Variants in MAP1S observed in about 807,000 individuals in gnomAD.
MAP1S encodes microtubule-associated protein 1S.
In MAP1S, 27 loss-of-function variants were observed where a neutral mutation model predicts 60.9. The observed-to-expected ratio is 0.44, with a 90% CI of 0.33 to 0.61. MAP1S has a LOEUF of 0.61. Ranked by LOEUF, MAP1S falls within the 20% of genes least tolerant of loss-of-function variation. The pLI is 0.03. For synonymous variants in MAP1S, 826 were observed against 694.2 expected, an observed-to-expected ratio of 1.19 and a Z score of -2.98; for missense variants, 1,608 against 1,486.6, an observed-to-expected ratio of 1.08 and a Z score of -1.34.
chr19:17,726,995 G>C lies in MAP1S; in HGVS notation c.1611G>C (p.Gln537His). The change falls in exon 5 of 7, where the codon CAG (glutamine) becomes CAC (histidine). Residue 537 changes from glutamine to histidine, a missense_variant. Around this residue, in one of 4 missense-constraint regions of MAP1S, gnomAD observed 1,167 missense variants for 961.4 expected, o/e 1.21. Coordinates refer to ENST00000324096, the MANE Select transcript of MAP1S (RefSeq NM_018174.6). ...CCAAACCGAGTGTCTCCCGGACCCA[G>C]CCGCGGGAGGTGCGCCGGGCAGCCT... is the stretch of plus-strand genomic sequence containing the variant. The part of the protein sequence containing the change: ...KDPKPSVSRT[Q>H]PREVRRAASS... The C allele has an allele frequency of 6.3e-7, 1 of 1,578,568 alleles. No homozygotes were observed. The highest frequency in any genetic ancestry group is 1.2e-5 in the South Asian group (1 of 86,520).
chr19:17,724,004 C>T (rs2080394354), intron 2 of MAP1S, 122 bp from the exon 3 acceptor site: 3 of 697,462 alleles, frequency 4.3e-6, no homozygotes, highest in Non-Finnish European at 7.5e-6. Flanking sequence ...TGACCTGCAG[C>T]TCTGCCGTGC....
chr19:17,719,684 G>C (rs1322823241), intron 1 of MAP1S, 64 bp downstream of exon 1: 1 of 906,844 alleles, frequency 1.1e-6, no homozygotes, highest in African/African-American at 2.1e-5. Context: ...TCTGGGCCCG[G>C]GGCCGGCGGG....
chr19:17,721,410 C>T (rs974807638), intron 2 of MAP1S: 2 of 340,344 alleles, frequency 5.9e-6, no homozygotes, highest in Non-Finnish European at 1.1e-5. Context: ...GGCGCGGTGG[C>T]TTACGCCTCT....
Position 17,725,900 on chromosome 19 carries a change from C to G in MAP1S, c.516C>G (p.Phe172Leu), listed in dbSNP as rs147197835. ...TACTCACCATCACCTGCCCCACCTT[C>G]GGTGACTGGGCTCAGCTGGCACCCG... ...PPILTITCPT[F>L]GDWAQLAPAV... Residue 172 changes from phenylalanine to leucine, a missense_variant, in exon 5 of 7, where the codon TTC becomes TTG. Around this residue, in one of 4 missense-constraint regions of MAP1S, gnomAD observed 320 missense variants for 393.1 expected, o/e 0.81. Coordinates refer to ENST00000324096, the MANE Select transcript of MAP1S (RefSeq NM_018174.6). The surrounding 1 kb of genome is among the most constrained non-coding windows in gnomAD (Gnocchi z 4.2). 5 of 1,613,816 alleles carry G rather than the reference C, an allele frequency of 3.1e-6. No homozygotes were observed. The highest frequency in any genetic ancestry group is 3.3e-5 in the Admixed American group (2 of 60,018).
chr19:17,726,570 T>G lies in MAP1S; in HGVS notation c.1186T>G (p.Tyr396Asp). 6.3e-7 allele frequency: 1 copy of G among 1,575,578 alleles called. No homozygotes were observed. Among genetic ancestry groups the G allele is most frequent in the Non-Finnish European group, 8.6e-7 (1 of 1,166,086 alleles). Residue 396 changes from tyrosine (Y) to aspartate (D), a missense_variant, in exon 5 of 7, where the codon TAT becomes GAT. By Grantham distance (160) the Tyr-to-Asp change is radical. Around this residue, in one of 4 missense-constraint regions of MAP1S, gnomAD observed 1,167 missense variants for 961.4 expected, o/e 1.21. Transcript: ENST00000324096. ...GATGGGCGTGGGCCGGCTGGACATG[T>G]ATGTGCTGCACCCGCCCTCCGCCGG... ...EKMGVGRLDM[Y>D]VLHPPSAGAE...
At chr19:17,720,148 A>G in intron 1 of MAP1S, 2 of 1,298,946 alleles carry the variant, frequency 1.5e-6, no homozygotes, top group Non-Finnish European at 2.0e-6. Flanking sequence ...TTTGGCACCT[A>G]GGGAGGTGAG....
chr19:17,730,986 G>A (rs1292623795), intron 5 of MAP1S, among the ~76,000 whole-genome samples: 1 of 151,126 alleles, frequency 6.6e-6, no homozygotes, highest in East Asian at 1.9e-4. Flanking sequence ...CGCCTCCCGG[G>A]TTCAAGCGAT....
Position 17,721,054 on chromosome 19 carries a change from C to T in MAP1S, c.220+17C>T. On this transcript the variant is annotated intron_variant, in intron 2 of 6. Coordinates refer to ENST00000324096, the MANE Select transcript of MAP1S (RefSeq NM_018174.6). The stretch of plus-strand genomic sequence containing the variant: ...TTGTGAAAGGTGAGGCTGGGGTCCC[C>T]CTGACTGCTCCCTACCTCTTGTTAT... 1.3e-6 allele frequency: 2 copies of T among 1,598,178 alleles called. No individual in the cohort carries two copies. Among genetic ancestry groups the T allele is most frequent in the South Asian group, 2.2e-5 (2 of 90,790 alleles).
intron 3 of MAP1S, among the ~76,000 whole-genome samples, chr19:17,724,834 C>T (rs185341176): frequency 6.6e-6 from 1 of 152,256 alleles, no homozygotes; most frequent in East Asian, 1.9e-4. Flanking sequence ...GACATCAGAG[C>T]TGGGCTTTGT....
Position 17,728,141 on chromosome 19 carries a change from A to G in MAP1S, c.2757A>G (p.Ser919=). ...GGRAPLSRKS[S]TPKTATRGPS... ...GGGCACCCCTGTCCAGAAAGTCCTCAACCCCCAAGACTGCCACTCGAGGCC... is the reference window on the plus strand; with the variant it reads ...GGGCACCCCTGTCCAGAAAGTCCTCGACCCCCAAGACTGCCACTCGAGGCC... Residue 919 remains serine (S), a synonymous_variant, in exon 5 of 7, where the codon TCA becomes TCG. Transcript: ENST00000324096. 1 of 1,606,250 alleles carries G rather than the reference A, an allele frequency of 6.2e-7. No individual in the cohort carries two copies. The highest frequency in any genetic ancestry group is 8.5e-7 in the Non-Finnish European group (1 of 1,175,508).
At chr19:17,732,926 C>T (rs928238608) in intron 5 of MAP1S, 7 of 498,684 alleles carry the variant, frequency 1.4e-5, no homozygotes, top group African/African-American at 5.9e-5. Flanking sequence ...GTGACATGCA[C>T]CTGTAGTCCC....
In MAP1S at chr19:17,724,116, T is replaced by TC. The variant is rs754511917; in HGVS notation, c.221-5dup. 2.5e-6 allele frequency: 4 copies of TC among 1,611,168 alleles called. No individual in the cohort carries two copies. The East Asian group carries it at 8.9e-5, about 36-fold the overall frequency. The stretch of plus-strand genomic sequence containing the variant: ...GGATTTGACTCCGGGACGGCCTGAT[T>TC]CCCCCACAGGCCAGCGGAGCCTGCA... On this transcript the variant is annotated splice_polypyrimidine_tract_variant and intron_variant, in intron 2 of 6. Transcript: ENST00000324096.
rs1053316752 is a variant in MAP1S at position 17,725,758 on chromosome 19, C to G, written c.445-71C>G. The G allele has an allele frequency of 6.8e-6, 10 of 1,465,282 alleles. No homozygotes were observed. The highest frequency in any genetic ancestry group is 1.4e-5 in the African/African-American group (1 of 70,912). The allele number at this position is 1,465,282 out of a possible 1,614,324, so 90.8% of individuals were successfully genotyped here. A position where few individuals can be genotyped will look rare whatever the true frequency, so the allele number is the denominator to read the frequency against. The stretch of plus-strand genomic sequence containing the variant: ...CTGGGGGAAAGGATGAGGGTGTCCT[C>G]GCCCAGTTTTCCCACCGGGCTAGGT... On this transcript the variant is annotated intron_variant, in intron 4 of 6. Transcript: ENST00000324096. The surrounding 1 kb of genome is among the most constrained non-coding windows in gnomAD (Gnocchi z 4.2).
intron 5 of MAP1S, among the ~76,000 whole-genome samples, chr19:17,729,514 T>A (rs75073135): frequency 6.6e-6 from 1 of 151,672 alleles, no homozygotes; most frequent in African/African-American, 2.4e-5. Context: ...CTGTTCTTTG[T>A]TTTTTTTCTG....
intron 2 of MAP1S, among the ~76,000 whole-genome samples, chr19:17,722,092 G>A (rs1050229500): frequency 2.6e-5 from 4 of 152,176 alleles, no homozygotes; most frequent in Admixed American, 2.6e-4. Flanking sequence ...TGTGAACTTC[G>A]TGGCCACTTC....
chr19:17,726,521 C>G lies in MAP1S; in HGVS notation c.1137C>G (p.Ala379=). The G allele has an allele frequency of 6.4e-7, 1 of 1,560,390 alleles. No homozygotes were observed. Among genetic ancestry groups the G allele is most frequent in the Non-Finnish European group, 8.6e-7 (1 of 1,157,252 alleles). The part of the protein sequence containing the change: ...PLPLSRGPVP[A]KPTVLFEKMG... ...CACTCAGCCGCGGCCCCGTGCCAGC[C>G]AAACCCACCGTGCTCTTCGAGAAGA... The change falls in exon 5 of 7, where the codon GCC becomes GCG. Residue 379 remains alanine, a synonymous_variant. Coordinates refer to ENST00000324096, the MANE Select transcript of MAP1S (RefSeq NM_018174.6).
rs780948712 is a variant in MAP1S, at chr19:17,725,027, T to C, written c.304-22T>C. On this transcript the variant is annotated intron_variant, in intron 3 of 6. Coordinates refer to ENST00000324096, the MANE Select transcript of MAP1S (RefSeq NM_018174.6). This position sits in a 1 kb window ranked among gnomAD's most constrained non-coding sequence, Gnocchi z 4.2. ...ACGTCACTGCACAGAACGGGTCCTTTAGTGTTCACCCCCTCCCTCAGCTCC... is the reference window on the plus strand; with the variant it reads ...ACGTCACTGCACAGAACGGGTCCTTCAGTGTTCACCCCCTCCCTCAGCTCC... The C allele has an allele frequency of 3.7e-6, 6 of 1,614,108 alleles. No individual in the cohort carries two copies. The highest frequency in any genetic ancestry group is 5.1e-6 in the Non-Finnish European group (6 of 1,180,004).
chr19:17,734,097 C>G (rs999270236), intron 6 of MAP1S, among the ~76,000 whole-genome samples, 176 bp from the exon 7 acceptor site: 8 of 152,256 alleles, frequency 5.3e-5, no homozygotes, highest in Admixed American at 3.3e-4. Context: ...AGGGACCTCA[C>G]AGACGGGCTG....
chr19:17,733,903 A>G (rs534462272), intron 6 of MAP1S, among the ~76,000 whole-genome samples: 33 of 152,266 alleles, frequency 2.2e-4, no homozygotes, highest in African/African-American at 7.7e-4. Flanking sequence ...GCTTCAAAGG[A>G]GTGTCCCTGT....
Sources: gnomAD v4.1 joint callset for allele counts (sites outside exome capture counted in the v4.1 genomes callset) on GRCh38, gnomAD v4.1.1 for gene constraint, gnomAD v4.1.1 regional missense constraint, Gnocchi (gnomAD v3.1) non-coding constraint, MANE v1.5 for transcripts, NCBI Gene and HGNC (gene_info 2026-07-23, HGNC 2026-07-21) for gene names.